Variants in DFFA observed in about 807,000 individuals in gnomAD.
DFFA encodes DNA fragmentation factor subunit alpha, also known as DFF45.
In DFFA, 14 loss-of-function variants were observed where a neutral mutation model predicts 28.0. That is an observed-to-expected ratio of 0.50 (90% CI 0.33 to 0.78). The LOEUF is 0.78. Among genes scored for constraint, DFFA ranks in the 30% least tolerant of loss-of-function variants. DFFA has a pLI of 0.02. For missense variants in DFFA, 395 were observed against 407.1 expected, an observed-to-expected ratio of 0.97 and a Z score of 0.26; for synonymous variants, 158 against 170.3, an observed-to-expected ratio of 0.93 and a Z score of 0.56.
Position 10,458,534 on chromosome 1 carries a change from A to ATTTTTTTT in DFFA, c.*2955_*2956insAAAAAAAA, listed in dbSNP as rs5772416. On this transcript the variant is annotated 3_prime_UTR_variant, in exon 6 of 6. Coordinates refer to ENST00000377038, the MANE Select transcript of DFFA (RefSeq NM_004401.3). ...CATCTTTACCCTAGGACTTATTGTG[A>ATTTTTTTT]TTTTCTTTTTTTTTTTTTTTTAAAG... is the stretch of plus-strand genomic sequence containing the variant. 3.0e-5 allele frequency: 4 copies of ATTTTTTTT among 134,670 alleles called. 2 individuals carry two copies. The highest frequency in any genetic ancestry group is 6.2e-5 in the Non-Finnish European group (4 of 64,524). The allele number at this position is 134,670 out of a possible 1,614,324, so 8.3% of individuals were successfully genotyped here. A position where few individuals can be genotyped will look rare whatever the true frequency, so the allele number is the denominator to read the frequency against.
intron 2 of DFFA, among the ~76,000 whole-genome samples, chr1:10,467,613 C>G (rs773836683): frequency 6.6e-6 from 1 of 151,866 alleles, no homozygotes; most frequent in African/African-American, 2.4e-5. Flanking sequence ...CGAGTTCAAG[C>G]GATTCTCCTG....
chr1:10,463,717 T>C (rs1640983920), intron 3 of DFFA, 97 bp from the exon 4 acceptor site: 4 of 1,271,472 alleles, frequency 3.1e-6, no homozygotes, highest in Non-Finnish European at 4.2e-6. Context: ...CAGGCTGGAG[T>C]GCGATGGTGT....
chr1:10,463,145 G>A lies in DFFA; in HGVS notation c.696C>T (p.Ser232=). The part of the protein sequence containing the change: ...AVDTGISRET[S]SDVALASHIL... ...TGTGGCTCGCCAGCGCAACGTCCGA[G>A]GAGGTCTCTCTGCTGATACCCGTGT... Residue 232 remains serine (S), a synonymous_variant, in exon 5 of 6, where the codon TCC becomes TCT. Transcript: ENST00000377038. 1 of 1,614,138 alleles carries A rather than the reference G, an allele frequency of 6.2e-7. No homozygotes were observed. Among genetic ancestry groups the A allele is most frequent in the South Asian group, 1.1e-5 (1 of 91,082 alleles).
chr1:10,461,444 A>G lies in DFFA; in HGVS notation c.*46T>C, dbSNP rs551629851. ...AATGATGAGGCTGAGGGTGTCTACC[A>G]ATAACACAACGCCACAGAGCTTCCT... On this transcript the variant is annotated 3_prime_UTR_variant, in exon 6 of 6. Transcript: ENST00000377038. The G allele has an allele frequency of 6.3e-6, 10 of 1,579,970 alleles. No homozygotes were observed. The East Asian group carries it at 1.8e-4, about 29-fold the overall frequency.
intron 4 of DFFA, 37 bp downstream of exon 4, chr1:10,463,371 CAAGGGACGCCTCCATCAGCCCTG>C: frequency 3.2e-6 from 5 of 1,564,136 alleles, no homozygotes; most frequent in Non-Finnish European, 4.3e-6. Flanking sequence ...AGTGTCCTCC[CAAGGGACGCCTCCATCAGCCCTG>C]AATTCTCAGA....
Position 10,459,723 on chromosome 1 carries a change from CCT to C in DFFA, c.*1765_*1766del, listed in dbSNP as rs1491204499. On this transcript the variant is annotated 3_prime_UTR_variant, in exon 6 of 6. Coordinates refer to ENST00000377038, the MANE Select transcript of DFFA (RefSeq NM_004401.3). ...TTCTTTTCATTGCCCTTGATGGTTA[CCT>C]TTTTAAAAAAAAAAAAAAAAAAGTA... The C allele has an allele frequency of 6.8e-6, 1 of 147,110 alleles. No homozygotes were observed. The highest frequency in any genetic ancestry group is 2.5e-5 in the African/African-American group (1 of 39,322). The allele number at this position is 147,110 out of a possible 1,614,324, so 9.1% of individuals were successfully genotyped here.
At chr1:10,466,336 C>T (rs1641021943) in intron 3 of DFFA, among the ~76,000 whole-genome samples, 1 of 152,060 alleles carries the variant, frequency 6.6e-6, no homozygotes, top group African/African-American at 2.4e-5. Flanking sequence ...GGTACAGGTG[C>T]ACACCACCAG....
In DFFA at chr1:10,461,422, G is replaced by T; in HGVS notation, c.*68C>A. 2 of 1,538,584 alleles carry T rather than the reference G, an allele frequency of 1.3e-6. No homozygotes were observed. Among genetic ancestry groups the T allele is most frequent in the South Asian group, 2.4e-5 (2 of 81,726 alleles). On this transcript the variant is annotated 3_prime_UTR_variant, in exon 6 of 6. Coordinates refer to ENST00000377038, the MANE Select transcript of DFFA (RefSeq NM_004401.3). ...TAGAGTAGTACATAGGTAGTCAAAT[G>T]ATGAGGCTGAGGGTGTCTACCAATA...
Position 10,460,172 on chromosome 1 carries a change from G to C in DFFA, c.*1318C>G, listed in dbSNP as rs1237272536. 1.3e-5 allele frequency: 2 copies of C among 152,006 alleles called. No homozygotes were observed. Among genetic ancestry groups the C allele is most frequent in the African/African-American group, 4.8e-5 (2 of 41,424 alleles). 9.4% of individuals were successfully genotyped at this position (152,006 alleles called of 1,614,324 possible). On this transcript the variant is annotated 3_prime_UTR_variant, in exon 6 of 6. Coordinates refer to ENST00000377038, the MANE Select transcript of DFFA (RefSeq NM_004401.3). ...AAACAGGAGAATCGCTTGAACCTGGGAGGTGGGGGTTGCAGTGAGCCGAGA... is the reference window on the plus strand; with the variant it reads ...AAACAGGAGAATCGCTTGAACCTGGCAGGTGGGGGTTGCAGTGAGCCGAGA...
rs777920700 is a variant in DFFA at position 10,472,315 on chromosome 1, G to A, written c.136+8C>T. ...CCCCCACACCCTCGCCCGGGGTCCC[G>A]AGCCAACCCTTGCTCCTCAGGTCTT... is the stretch of plus-strand genomic sequence containing the variant. On this transcript the variant is annotated splice_region_variant and intron_variant, in intron 1 of 5. Coordinates refer to ENST00000377038, the MANE Select transcript of DFFA (RefSeq NM_004401.3). This position sits in a 1 kb window ranked among gnomAD's most constrained non-coding sequence, Gnocchi z 5.0. 1.3e-6 allele frequency: 2 copies of A among 1,582,024 alleles called. No individual in the cohort carries two copies. Among genetic ancestry groups the A allele is most frequent in the Non-Finnish European group, 1.7e-6 (2 of 1,160,464 alleles).
At chr1:10,467,085 AT>A in intron 3 of DFFA, 104 bp downstream of exon 3, 1 of 1,339,522 alleles carries the variant, frequency 7.5e-7, no homozygotes, top group South Asian at 1.5e-5. Flanking sequence ...AAAAATTAAG[AT>A]TAAAACAAAG....
Position 10,472,435 on chromosome 1 carries a change from C to T in DFFA, c.24G>A (p.Gly8=), listed in dbSNP as rs1368881549. ...TCCGGATCTCGCCAGATTCTGGTAC[C>T]CCGGCGTCCCCGGTCACCTCCATCC... MEVTGDA[G]VPESGEIRTL... is the part of the protein sequence containing the mutation. Residue 8 remains glycine (G), a synonymous_variant, in exon 1 of 6, where the codon GGG becomes GGA. Transcript: ENST00000377038. The surrounding 1 kb of genome is among the most constrained non-coding windows in gnomAD (Gnocchi z 5.0). 2 of 1,611,006 alleles carry T rather than the reference C, an allele frequency of 1.2e-6. No individual in the cohort carries two copies. The highest frequency in any genetic ancestry group is 1.3e-5 in the African/African-American group (1 of 74,782).
chr1:10,463,510 T>C lies in DFFA; in HGVS notation c.552A>G (p.Glu184=), dbSNP rs368842683. The change falls in exon 4 of 6, where the codon GAA becomes GAG. Residue 184 remains glutamate (E), a synonymous_variant. Coordinates refer to ENST00000377038, the MANE Select transcript of DFFA (RefSeq NM_004401.3). ...TLQQVLDQRE[E]VRQSKQLLQL... ...GCAGGAGCTGCTTGGACTGACGCAC[T>C]TCCTCTCTTTGGTCAAGCACCTGTT... 1.2e-5 allele frequency: 19 copies of C among 1,614,164 alleles called. No homozygotes were observed. In the South Asian group the frequency reaches 1.5e-4, roughly 13 times the overall value.
intron 4 of DFFA, 93 bp downstream of exon 4, chr1:10,463,338 G>T: frequency 6.5e-7 from 1 of 1,546,902 alleles, no homozygotes; most frequent in Non-Finnish European, 8.8e-7. Flanking sequence ...CGCGGCTTCA[G>T]TGGCCCTGGC....
Position 10,461,603 on chromosome 1 carries a change from G to C in DFFA, c.883C>G (p.Leu295Val). 6.2e-7 allele frequency: 1 copy of C among 1,614,246 alleles called. No homozygotes were observed. Among genetic ancestry groups the C allele is most frequent in the Non-Finnish European group, 8.5e-7 (1 of 1,180,040 alleles). The change falls in exon 6 of 6, where the codon CTG becomes GTG. Residue 295 changes from leucine (L) to valine (V), a missense_variant. Coordinates refer to ENST00000377038, the MANE Select transcript of DFFA (RefSeq NM_004401.3). ...AAGCTCTGCGTCTGCTGCAGGCGCAGGGCGAGCTCCCGCTCACAGGCCTCC... is the reference window on the plus strand; with the variant it reads ...AAGCTCTGCGTCTGCTGCAGGCGCACGGCGAGCTCCCGCTCACAGGCCTCC... ...VQEACERELALRLQQTQSLHS... is the reference protein window; with the variant it reads ...VQEACERELAVRLQQTQSLHS...
At chr1:10,471,350 T>C (rs901991309) in intron 1 of DFFA, among the ~76,000 whole-genome samples, 4 of 152,164 alleles carry the variant, frequency 2.6e-5, no homozygotes, top group African/African-American at 9.7e-5. Context: ...GCAAGGCATG[T>C]ATGCGCTGGA....
Position 10,467,341 on chromosome 1 carries a change from T to A in DFFA, c.299-9A>T, listed in dbSNP as rs1641037790. 2.5e-6 allele frequency: 4 copies of A among 1,614,060 alleles called. No homozygotes were observed. The highest frequency in any genetic ancestry group is 1.6e-4 in the Middle Eastern group (1 of 6,062). On this transcript the variant is annotated splice_polypyrimidine_tract_variant and intron_variant, in intron 2 of 5. Coordinates refer to ENST00000377038, the MANE Select transcript of DFFA (RefSeq NM_004401.3). ...CCAAGCTGTACCTCCATCTGACACATGGGAGAAAATGCCAGTCACAGAACA... is the reference window on the plus strand; with the variant it reads ...CCAAGCTGTACCTCCATCTGACACAAGGGAGAAAATGCCAGTCACAGAACA...
In DFFA at chr1:10,458,534, A is replaced by ATTTTTTTTT. The variant is rs5772416; in HGVS notation, c.*2955_*2956insAAAAAAAAA. 1.5e-5 allele frequency: 2 copies of ATTTTTTTTT among 134,660 alleles called. No individual in the cohort carries two copies. The highest frequency in any genetic ancestry group is 1.5e-5 in the Non-Finnish European group (1 of 64,532). The allele number at this position is 134,660 out of a possible 1,614,324, so 8.3% of individuals were successfully genotyped here. On this transcript the variant is annotated 3_prime_UTR_variant, in exon 6 of 6. Transcript: ENST00000377038. ...CATCTTTACCCTAGGACTTATTGTG[A>ATTTTTTTTT]TTTTCTTTTTTTTTTTTTTTTAAAG...
At chr1:10,462,990 CT>C (rs1640969072) in intron 5 of DFFA, 67 bp downstream of exon 5, 1 of 1,602,230 alleles carries the variant, frequency 6.2e-7, no homozygotes, top group South Asian at 1.1e-5. Flanking sequence ...CCACACACCT[CT>C]GCATGATACT....
Sources: gnomAD v4.1 joint callset for allele counts (sites outside exome capture counted in the v4.1 genomes callset) on GRCh38, gnomAD v4.1.1 for gene constraint, Gnocchi (gnomAD v3.1) non-coding constraint, MANE v1.5 for transcripts, NCBI Gene and HGNC (gene_info 2026-07-23, HGNC 2026-07-21) for gene names.